Variants in EYA1 observed in about 807,000 individuals in gnomAD.
EYA1 encodes EYA transcriptional coactivator and phosphatase 1.
A neutral mutation model predicts 82.0 loss-of-function variants in EYA1; 16 were observed. The ratio of observed to expected loss-of-function variants is 0.20; its 90% confidence interval spans 0.13 to 0.30. The LOEUF (loss-of-function observed/expected upper bound fraction) is 0.30. EYA1 is among the 10% of genes least tolerant of loss of function. The probability of loss-of-function intolerance (pLI) is 1.00; values close to 1 mark genes in which losing one functional copy is unlikely to be tolerated. For synonymous variants in EYA1, 261 were observed against 264.4 expected (o/e 0.99, Z 0.12); for missense variants, 633 against 730.7 (o/e 0.87, Z 1.54).
chr8:71,462,724 C>G (rs993807008), intron 2 of EYA1, among the ~76,000 whole-genome samples: 16 of 152,330 alleles, frequency 1.1e-4, no homozygotes, highest in African/African-American at 3.8e-4. Flanking sequence ...AACAGGGGGC[C>G]AGGGTCTGGA....
intron 4 of EYA1, among the ~76,000 whole-genome samples, chr8:71,327,860 T>C: frequency 6.8e-6 from 1 of 148,120 alleles, no homozygotes; most frequent in African/African-American, 2.5e-5. Context: ...GTTCTTTTTT[T>C]TTTTTTTTTT....
intron 2 of EYA1, among the ~76,000 whole-genome samples, chr8:71,431,316 T>C (rs1805602217): frequency 6.6e-6 from 1 of 152,136 alleles, no homozygotes; most frequent in African/African-American, 2.4e-5. Flanking sequence ...AAAAATCACA[T>C]CAACTCACTC....
intron 2 of EYA1, among the ~76,000 whole-genome samples, chr8:71,459,570 T>C (rs1808213207): frequency 6.6e-6 from 1 of 152,200 alleles, no homozygotes; most frequent in Non-Finnish European, 1.5e-5. Context: ...CTGCTATTTA[T>C]TTTAAATGAA....
intron 3 of EYA1, among the ~76,000 whole-genome samples, chr8:71,349,256 C>T (rs1744346420): frequency 6.6e-6 from 1 of 152,176 alleles, no homozygotes; most frequent in African/African-American, 2.4e-5. Flanking sequence ...TAATGAAGTC[C>T]TTGTCATCAA....
At chr8:71,240,319 G>T (rs913650482) in intron 12 of EYA1, among the ~76,000 whole-genome samples, 13 of 151,380 alleles carry the variant, frequency 8.6e-5, no homozygotes, top group African/African-American at 3.2e-4. Context: ...AACAAGTCTA[G>T]GTGTTCAAAT....
chr8:71,517,656 AAAGATGATC>A (rs1813065108), intron 2 of EYA1, among the ~76,000 whole-genome samples: 2 of 150,428 alleles, frequency 1.3e-5, no homozygotes, highest in Non-Finnish European at 3.0e-5. Context: ...TTTAAAGATA[AAAGATGATC>A]AAGCCCCATT....
At chr8:71,502,732 C>T (rs1811897745) in intron 2 of EYA1, among the ~76,000 whole-genome samples, 2 of 152,168 alleles carry the variant, frequency 1.3e-5, no homozygotes. Context: ...ACTGATGTAA[C>T]TCAAACAGGC....
chr8:71,461,535 G>A (rs4738136), intron 2 of EYA1, among the ~76,000 whole-genome samples: 23,071 of 151,952 alleles, frequency 0.15, 3,076 homozygotes, highest in East Asian at 0.47. Context: ...CTGGCTTGAG[G>A]AGCTCCCAGG....
rs59711382 is a variant in EYA1, at chr8:71,491,270, GA to G, written c.33+44473del. 6.5e-3 allele frequency among the ~76,000 whole-genome samples: 987 copies of G among 152,096 alleles called. 14 individuals are homozygous for G. Among genetic ancestry groups the G allele is most frequent in the African/African-American group, 0.023 (934 of 41,484 alleles). ...TATTTTTTTAAAAAAAGCACTAAGA[GA>G]AAAAAAGAAAGGAGCATTGTTTGAA... is the stretch of plus-strand genomic sequence containing the variant. On this transcript the variant is annotated intron_variant, in intron 2 of 18. Transcript: ENST00000643681.
At chr8:71,408,059 G>A (rs1002513731) in intron 2 of EYA1, among the ~76,000 whole-genome samples, 1 of 151,860 alleles carries the variant, frequency 6.6e-6, no homozygotes, top group African/African-American at 2.4e-5. Context: ...GAGAGTGGGG[G>A]CCAATATTCA....
intron 2 of EYA1, among the ~76,000 whole-genome samples, chr8:71,499,087 G>A (rs1022670801): frequency 6.6e-6 from 1 of 152,110 alleles, no homozygotes; most frequent in African/African-American, 2.4e-5. Flanking sequence ...GGGTGTGTCT[G>A]GGGGGTGTGG....
At chr8:71,408,191 T>C (rs370960777) in intron 2 of EYA1, among the ~76,000 whole-genome samples, 44 of 151,702 alleles carry the variant, frequency 2.9e-4, no homozygotes, top group Admixed American at 2.1e-3. Context: ...TTGTCACCAC[T>C]AGGCCTGCCC....
chr8:71,274,889 C>CGA (rs899811231), intron 9 of EYA1, among the ~76,000 whole-genome samples: 3 of 145,336 alleles, frequency 2.1e-5, no homozygotes, highest in South Asian at 2.2e-4. Context: ...AGTGAGCGAG[C>CGA]GAGAGAGAGA....
chr8:71,335,311 C>A (rs1300582787), intron 3 of EYA1, among the ~76,000 whole-genome samples: 1 of 152,126 alleles, frequency 6.6e-6, no homozygotes, highest in East Asian at 1.9e-4. Flanking sequence ...CTCAACATCA[C>A]CAATCTGTTA....
intron 9 of EYA1, among the ~76,000 whole-genome samples, chr8:71,286,720 C>T (rs1818409583): frequency 6.6e-6 from 1 of 151,514 alleles, no homozygotes; most frequent in Admixed American, 6.6e-5. Flanking sequence ...GGGATCCACA[C>T]AGATCTATGA....
chr8:71,482,750 C>G (rs552748914), intron 2 of EYA1, among the ~76,000 whole-genome samples: 6 of 152,178 alleles, frequency 3.9e-5, no homozygotes, highest in South Asian at 4.2e-4. Flanking sequence ...CTCACAGGCC[C>G]AAAGTCGAGC....
intron 11 of EYA1, among the ~76,000 whole-genome samples, chr8:71,267,545 A>T (rs67188274): frequency 0.16 from 23,723 of 152,140 alleles, 1,949 homozygotes; most frequent in Admixed American, 0.22. Flanking sequence ...AAATTATATG[A>T]GATAAAACTT....
intron 2 of EYA1, among the ~76,000 whole-genome samples, chr8:71,473,565 G>A (rs1180934307): frequency 2.0e-5 from 3 of 152,180 alleles, no homozygotes; most frequent in Non-Finnish European, 2.9e-5. Flanking sequence ...TGCTGGAGAG[G>A]ATGTGGAGAA....
intron 1 of EYA1, among the ~76,000 whole-genome samples, chr8:71,536,169 T>A (rs1814695622): frequency 6.6e-6 from 1 of 152,124 alleles, no homozygotes; most frequent in African/African-American, 2.4e-5. Flanking sequence ...GTACAAGAGC[T>A]TTTTTTCTTC....
Sources: gnomAD v4.1 joint callset for allele counts (sites outside exome capture counted in the v4.1 genomes callset) on GRCh38, gnomAD v4.1.1 for gene constraint, MANE v1.5 for transcripts, NCBI Gene and HGNC (gene_info 2026-07-23, HGNC 2026-07-21) for gene names.